The following OR51B5 variants were observed in gnomAD, a reference collection of about 807,000 sequenced individuals.
The protein encoded by OR51B5 is olfactory receptor 51B5.
For missense variants in OR51B5, 456 were observed against 374.6 expected, an observed-to-expected ratio of 1.22 and a Z score of -1.79; for synonymous variants, 186 against 144.8, an observed-to-expected ratio of 1.28 and a Z score of -2.04.
At chr11:5,443,207 T>C (rs1850716416) in intron 1 of OR51B5, among the ~76,000 whole-genome samples, 1 of 152,180 alleles carries the variant, frequency 6.6e-6, no homozygotes, top group South Asian at 2.1e-4. Context: ...TTTATTATTT[T>C]TCTCATTTTA....
intron 1 of OR51B5, among the ~76,000 whole-genome samples, chr11:5,406,645 G>A (rs530771888): frequency 6.6e-6 from 1 of 152,192 alleles, no homozygotes; most frequent in African/African-American, 2.4e-5. Context: ...TTTATCCAGT[G>A]AATATGAGTT....
chr11:5,352,333 T>C (rs752064104), intron 1 of OR51B5: 6 of 1,613,626 alleles, frequency 3.7e-6, no homozygotes, highest in Middle Eastern at 1.6e-4. Flanking sequence ...CACAATGAGC[T>C]ACATCCACTT....
At chr11:5,441,662 T>G in intron 1 of OR51B5, 1 of 644,460 alleles carries the variant, frequency 1.6e-6, no homozygotes, top group South Asian at 2.0e-5. Context: ...ACTCATCTCT[T>G]TAAGGAAGCA....
At chr11:5,364,234 G>A (rs181304581) in intron 1 of OR51B5, among the ~76,000 whole-genome samples, 49 of 152,292 alleles carry the variant, frequency 3.2e-4, no homozygotes, top group Non-Finnish European at 6.6e-4. Flanking sequence ...ATCTAGCTAT[G>A]ACAAAGTTTG....
chr11:5,434,732 C>G (rs1433600994), intron 1 of OR51B5, among the ~76,000 whole-genome samples: 2 of 152,126 alleles, frequency 1.3e-5, no homozygotes, highest in African/African-American at 2.4e-5. Context: ...AAATGACAAC[C>G]AGAGGGGCAA....
At chr11:5,472,338 G>C (rs1212796046) in intron 1 of OR51B5, among the ~76,000 whole-genome samples, 2 of 152,190 alleles carry the variant, frequency 1.3e-5, no homozygotes, top group Non-Finnish European at 2.9e-5. Context: ...TGAAGGAGGT[G>C]CCTGAGGGCC....
chr11:5,343,725 G>A, upstream of OR51B5: 1 of 452,602 alleles, frequency 2.2e-6, no homozygotes, highest in South Asian at 5.8e-5. Context: ...CACATTCCAG[G>A]ATCTATCTCC....
chr11:5,437,954 T>C lies in OR51B5; in HGVS notation n.84+67615A>G, dbSNP rs368063435. 5.9e-5 allele frequency among the ~76,000 whole-genome samples: 9 copies of C among 152,286 alleles called. No homozygotes were observed. In the South Asian group the frequency reaches 1.7e-3, roughly 28 times the overall value. ...AGAAGATGTAATGTTCTCTTCCCCATGTGGAGCACTGAAATATCAAAGGAA... is the reference window on the plus strand; with the variant it reads ...AGAAGATGTAATGTTCTCTTCCCCACGTGGAGCACTGAAATATCAAAGGAA... On this transcript the variant is annotated intron_variant and non_coding_transcript_variant, in intron 1 of 4. Transcript: ENST00000415970.
intron 1 of OR51B5, among the ~76,000 whole-genome samples, chr11:5,436,346 A>ACT (rs1244962911): frequency 1.3e-5 from 2 of 152,170 alleles, no homozygotes; most frequent in African/African-American, 2.4e-5. Context: ...AGACTGGATA[A>ACT]CTCTTCATGA....
intron 1 of OR51B5, chr11:5,453,311 G>C (rs1292575518): frequency 4.5e-6 from 2 of 441,820 alleles, no homozygotes; most frequent in Non-Finnish European, 7.9e-6. Flanking sequence ...ATGAAGAAAA[G>C]GAGTTTGCCT....
At chr11:5,424,658 C>T (rs1316587130) in intron 1 of OR51B5, among the ~76,000 whole-genome samples, 3 of 151,986 alleles carry the variant, frequency 2.0e-5, no homozygotes, top group Non-Finnish European at 4.4e-5. Flanking sequence ...GGACCCCTGG[C>T]TGCCTCCTGT....
At chr11:5,414,282 G>A (rs1287199702) in intron 1 of OR51B5, among the ~76,000 whole-genome samples, 2 of 151,088 alleles carry the variant, frequency 1.3e-5, no homozygotes, top group East Asian at 3.9e-4. Context: ...CCTGAAGGAA[G>A]CACTAAACAT....
At chr11:5,377,127 T>G (rs547605839) in intron 1 of OR51B5, among the ~76,000 whole-genome samples, 1 of 152,096 alleles carries the variant, frequency 6.6e-6, no homozygotes, top group African/African-American at 2.4e-5. Flanking sequence ...CAAGTGGACT[T>G]CATCCCTGGG....
chr11:5,446,429 G>A (rs1850764919), intron 1 of OR51B5, among the ~76,000 whole-genome samples: 1 of 151,808 alleles, frequency 6.6e-6, no homozygotes, highest in Non-Finnish European at 1.5e-5. Flanking sequence ...TAAAATGTTG[G>A]GAAATTTTTA....
intron 1 of OR51B5, chr11:5,389,374 T>C: frequency 6.2e-7 from 1 of 1,602,580 alleles, no homozygotes; most frequent in Non-Finnish European, 8.5e-7. Flanking sequence ...AAATATCCAT[T>C]TATTTTCAGC....
intron 1 of OR51B5, chr11:5,352,597 G>C (rs1849116102): frequency 8.3e-6 from 5 of 605,316 alleles, no homozygotes; most frequent in Non-Finnish European, 1.5e-5. Context: ...CTGCTACTTA[G>C]AACATTATTT....
intron 1 of OR51B5, among the ~76,000 whole-genome samples, chr11:5,407,143 G>A (rs186591765): frequency 7.9e-5 from 12 of 152,058 alleles, no homozygotes; most frequent in Admixed American, 3.3e-4. Context: ...CAGTACTGTG[G>A]GGCATATTTC....
chr11:5,441,000 T>G (rs770923678), intron 1 of OR51B5: 1 of 1,613,990 alleles, frequency 6.2e-7, no homozygotes, highest in Admixed American at 1.7e-5. Context: ...AACATTGCCT[T>G]TGCAGAAGGG....
intron 1 of OR51B5, among the ~76,000 whole-genome samples, chr11:5,482,617 G>A (rs1341315706): frequency 1.7e-5 from 2 of 117,852 alleles, no homozygotes; most frequent in Non-Finnish European, 3.5e-5. Flanking sequence ...TCTGACAAAG[G>A]GCTAATATCC....
Sources: allele counts gnomAD v4.1 joint callset (sites outside exome capture counted in the v4.1 genomes callset), GRCh38; gene constraint gnomAD v4.1.1; transcripts MANE v1.5; gene names NCBI Gene and HGNC (gene_info 2026-07-23, HGNC 2026-07-21).